The following DYNC1I2 variants were observed in gnomAD, a reference collection of about 807,000 sequenced individuals.
DYNC1I2 encodes dynein cytoplasmic 1 intermediate chain 2, also known as cytoplasmic dynein 1 intermediate chain 2.
A neutral mutation model predicts 88.6 loss-of-function variants in DYNC1I2; 53 were observed. The observed-to-expected ratio is 0.60, with a 90% CI of 0.48 to 0.75. The LOEUF (loss-of-function observed/expected upper bound fraction) is 0.75, where lower values mean the gene tolerates loss of function less well. Among genes scored for constraint, DYNC1I2 ranks in the 30% least tolerant of loss-of-function variants. The probability of loss-of-function intolerance (pLI) is 0.00; values close to 1 mark genes in which losing one functional copy is unlikely to be tolerated. For synonymous variants in DYNC1I2, 198 were observed against 254.6 expected, an observed-to-expected ratio of 0.78 and a Z score of 2.12; for missense variants, 458 against 766.6, an observed-to-expected ratio of 0.60 and a Z score of 4.75.
At position 171,728,428 on chromosome 2, in the gene DYNC1I2, A is replaced by C; in HGVS notation, c.1257+10A>C. The C allele has an allele frequency of 6.6e-7, 1 of 1,510,700 alleles. No individual in the cohort carries two copies. The highest frequency in any genetic ancestry group is 9.0e-7 in the Non-Finnish European group (1 of 1,105,744). The allele number at this position is 1,510,700 out of a possible 1,614,324, so 93.6% of individuals were successfully genotyped here. On this transcript the variant is annotated intron_variant, in intron 13 of 17. Transcript: ENST00000397119. ...GCTTTCCCATCCACAGGTGGGTTAA[A>C]CTTGGGAAACTGAAATTTTGAGGCA... is the stretch of plus-strand genomic sequence containing the variant.
chr2:171,736,805 A>G (rs1177448528), intron 15 of DYNC1I2, among the ~76,000 whole-genome samples: 1 of 152,190 alleles, frequency 6.6e-6, no homozygotes, highest in Non-Finnish European at 1.5e-5. Flanking sequence ...AAGAGAATTC[A>G]TTTATTTCTC....
At position 171,719,996 on chromosome 2, in the gene DYNC1I2, G is replaced by T. The variant is rs377104555; in HGVS notation, c.511+4553G>T. On this transcript the variant is annotated intron_variant, in intron 7 of 17. Transcript: ENST00000397119. Reference sequence around the variant, plus strand: ...AAAGTTTTAACTCTTTTGAAAAAATGGCATTATTTTTTCTTATTCACTTCT... The same window carrying T: ...AAAGTTTTAACTCTTTTGAAAAAATTGCATTATTTTTTCTTATTCACTTCT... Among the ~76,000 whole-genome samples the T allele has an allele frequency of 4.0e-4, 59 of 149,130 alleles. 1 individual carries two copies. Among genetic ancestry groups the T allele is most frequent in the African/African-American group, 1.4e-3 (58 of 40,782 alleles).
intron 15 of DYNC1I2, among the ~76,000 whole-genome samples, chr2:171,730,518 T>G (rs1323125286): frequency 2.0e-5 from 3 of 152,216 alleles, no homozygotes; most frequent in Non-Finnish European, 4.4e-5. Flanking sequence ...TCTTGACCTG[T>G]TGAAAGTCTC....
At chr2:171,688,738 C>T (rs973696154) in intron 1 of DYNC1I2, 1 of 152,138 alleles carries the variant, frequency 6.6e-6, no homozygotes, top group Non-Finnish European at 1.5e-5. Flanking sequence ...GCTGAAATTT[C>T]CTTTATCCAC....
intron 3 of DYNC1I2, among the ~76,000 whole-genome samples, chr2:171,699,152 C>CA (rs1271223228): frequency 2.6e-5 from 4 of 151,994 alleles, no homozygotes; most frequent in African/African-American, 9.7e-5. Context: ...ACTAAAAATA[C>CA]AAAAATTAGC....
chr2:171,728,960 A>G (rs1688425476), intron 14 of DYNC1I2, 110 bp downstream of exon 14: 9 of 1,253,200 alleles, frequency 7.2e-6, no homozygotes, highest in East Asian at 2.8e-5. Flanking sequence ...GTTATTTGTG[A>G]CAGATTTTTT....
chr2:171,726,757 T>C (rs1474141452), intron 10 of DYNC1I2, 34 bp from the exon 11 acceptor site: 1 of 1,608,468 alleles, frequency 6.2e-7, no homozygotes, highest in Non-Finnish European at 8.5e-7. Flanking sequence ...TTATTATGCA[T>C]AGCATTTCTT....
intron 10 of DYNC1I2, chr2:171,726,497 C>G: frequency 1.8e-6 from 1 of 558,228 alleles, no homozygotes. Context: ...AAATTCAGGA[C>G]TTTATGATAC....
At position 171,728,728 on chromosome 2, in the gene DYNC1I2, G is replaced by T. The variant is rs199908685; in HGVS notation, c.1269G>T (p.Glu423Asp). Residue 423 changes from glutamate to aspartate, a missense_variant, in exon 14 of 18, where the codon GAG becomes GAT. By Grantham distance (45) the Glu-to-Asp change is conservative. This residue lies in a region of DYNC1I2 where 188 missense variants were observed against 300.4 expected (regional missense o/e 0.63). Transcript: ENST00000397119. ...DMLSHPQDSMELVHKQSKAVA... is the reference protein window; with the variant it reads ...DMLSHPQDSMDLVHKQSKAVA... ...GTTTTTCTATGTAGGATAGCATGGAGTTGGTTCATAAACAGTCAAAAGCAG... is the reference window on the plus strand; with the variant it reads ...GTTTTTCTATGTAGGATAGCATGGATTTGGTTCATAAACAGTCAAAAGCAG... 158 of 1,595,560 alleles carry T rather than the reference G, an allele frequency of 9.9e-5. 1 individual carries two copies. The highest frequency in any genetic ancestry group is 1.3e-4 in the Non-Finnish European group (151 of 1,172,918).
chr2:171,689,467 A>G (rs1458936014), intron 1 of DYNC1I2, among the ~76,000 whole-genome samples: 2 of 152,160 alleles, frequency 1.3e-5, no homozygotes, highest in East Asian at 1.9e-4. Context: ...GATCTGTGTC[A>G]TATAGCTTAA....
chr2:171,712,162 C>T (rs1007721373), intron 5 of DYNC1I2, among the ~76,000 whole-genome samples: 2 of 152,102 alleles, frequency 1.3e-5, no homozygotes, highest in Admixed American at 6.5e-5. Flanking sequence ...GCAGATGATA[C>T]GTAAGCCCAA....
Position 171,747,966 on chromosome 2 carries a change from G to T in DYNC1I2, c.*77G>T. The stretch of plus-strand genomic sequence containing the variant: ...ATCCTGAGACTATTTGCATGCTTCT[G>T]TCTAAATGATAATTAAAAGGAAATT... On this transcript the variant is annotated 3_prime_UTR_variant, in exon 18 of 18. Transcript: ENST00000397119. The T allele has an allele frequency of 9.6e-7, 1 of 1,044,704 alleles. No homozygotes were observed. Among genetic ancestry groups the T allele is most frequent in the Non-Finnish European group, 1.4e-6 (1 of 725,104 alleles). 64.7% of individuals were successfully genotyped at this position (1,044,704 alleles called of 1,614,324 possible).
chr2:171,743,961 T>C, intron 15 of DYNC1I2, 88 bp from the exon 16 acceptor site: 1 of 1,174,202 alleles, frequency 8.5e-7, no homozygotes, highest in South Asian at 2.3e-5. Flanking sequence ...ACCTGTTGAA[T>C]GTATGTCATT....
intron 3 of DYNC1I2, among the ~76,000 whole-genome samples, chr2:171,695,309 C>T (rs1301524713): frequency 6.6e-6 from 1 of 152,070 alleles, no homozygotes; most frequent in Non-Finnish European, 1.5e-5. Context: ...CCACGTTGGC[C>T]AGGCTGGTCT....
At chr2:171,743,082 G>T (rs1365401652) in intron 15 of DYNC1I2, among the ~76,000 whole-genome samples, 1 of 152,042 alleles carries the variant, frequency 6.6e-6, no homozygotes, top group African/African-American at 2.4e-5. Context: ...GCCTACTACT[G>T]ACCAGAAACC....
chr2:171,729,755 A>C lies in DYNC1I2; in HGVS notation c.1438A>C (p.Thr480Pro), dbSNP rs1194311423. ...EMFEGHQGPI[T>P]GIHCHAAVGA... is the part of the protein sequence containing the mutation. ...GTTTGAGGGGCATCAAGGACCAATC[A>C]CTGGCATCCATTGTCATGCAGCTGT... The change falls in exon 15 of 18, where the codon ACT (threonine) becomes CCT (proline). Residue 480 changes from threonine (T) to proline (P), a missense_variant. Physicochemically the swap from Thr to Pro is conservative, Grantham distance 38 (BLOSUM62 -1). This residue lies in a region of DYNC1I2 where 188 missense variants were observed against 300.4 expected (regional missense o/e 0.63). Coordinates refer to ENST00000397119, the MANE Select transcript of DYNC1I2 (RefSeq NM_001378.3). 2 of 1,613,272 alleles carry C rather than the reference A, an allele frequency of 1.2e-6. No homozygotes were observed. Among genetic ancestry groups the C allele is most frequent in the Non-Finnish European group, 1.7e-6 (2 of 1,179,748 alleles).
At chr2:171,745,276 C>CAGCTAG (rs1689704698) in intron 16 of DYNC1I2, among the ~76,000 whole-genome samples, 1 of 152,166 alleles carries the variant, frequency 6.6e-6, no homozygotes, top group Non-Finnish European at 1.5e-5. Flanking sequence ...TGGCTATCTC[C>CAGCTAG]AGCTAGCTCA....
Position 171,727,804 on chromosome 2 carries a change from A to T in DYNC1I2, c.997-17A>T. The T allele has an allele frequency of 6.2e-7, 1 of 1,606,232 alleles. No homozygotes were observed. The highest frequency in any genetic ancestry group is 2.2e-5 in the East Asian group (1 of 44,810). On this transcript the variant is annotated splice_polypyrimidine_tract_variant and intron_variant, in intron 11 of 17. Coordinates refer to ENST00000397119, the MANE Select transcript of DYNC1I2 (RefSeq NM_001378.3). ...TTCCATTTGAATCTCAAGTATAAAA[A>T]TCTTACTTATTTGCAGTCAGCTGTG...
chr2:171,716,781 C>G (rs1164411356), intron 7 of DYNC1I2, among the ~76,000 whole-genome samples: 2 of 151,944 alleles, frequency 1.3e-5, no homozygotes, highest in Non-Finnish European at 2.9e-5. Flanking sequence ...TGGTGGGTGC[C>G]TGTAATCCCA....
Sources: allele counts gnomAD v4.1 joint callset (sites outside exome capture counted in the v4.1 genomes callset), GRCh38; gene constraint gnomAD v4.1.1; regional missense constraint gnomAD v4.1.1; transcripts MANE v1.5; gene names NCBI Gene and HGNC (gene_info 2026-07-23, HGNC 2026-07-21).